Variants in ODAD3 observed in about 807,000 individuals in gnomAD.
The protein encoded by ODAD3 is outer dynein arm-docking complex subunit 3.
A neutral mutation model predicts 70.9 loss-of-function variants in ODAD3; 57 were observed. That is an observed-to-expected ratio of 0.80 (90% CI 0.65 to 1.00). The LOEUF (loss-of-function observed/expected upper bound fraction) is 1.00, where lower values mean the gene tolerates loss of function less well. Among genes scored for constraint, ODAD3 ranks in the 50% least tolerant of loss-of-function variants. The probability of loss-of-function intolerance (pLI) is 0.00; values close to 1 mark genes in which losing one functional copy is unlikely to be tolerated. For synonymous variants in ODAD3, 327 were observed against 315.9 expected (o/e 1.04, Z -0.37); for missense variants, 797 against 763.9 (o/e 1.04, Z -0.51).
At chr19:11,426,053 G>A in intron 7 of ODAD3, 91 bp downstream of exon 7, 3 of 1,481,082 alleles carry the variant, frequency 2.0e-6, no homozygotes, top group South Asian at 1.3e-5. Context: ...CAGAAAATGG[G>A]AGAAGGCCTA....
At position 11,422,301 on chromosome 19, in the gene ODAD3, T is replaced by C. The variant is rs988960783; in HGVS notation, c.1434+170A>G. Among the ~76,000 whole-genome samples, 9 of 150,766 alleles carry C rather than the reference T, an allele frequency of 6.0e-5. No homozygotes were observed. The highest frequency in any genetic ancestry group is 2.2e-4 in the African/African-American group (9 of 41,014). On this transcript the variant is annotated intron_variant, in intron 10 of 12. Transcript: ENST00000356392. The surrounding 1 kb of genome is among the most constrained non-coding windows in gnomAD (Gnocchi z 4.6). ...CCCCAGGGAGGTGGGGCGGGGACTC[T>C]GAGGAATGGGGTGGGGCTTCCCCTG...
intron 7 of ODAD3, among the ~76,000 whole-genome samples, chr19:11,425,030 CAT>C (rs1491103625): frequency 1.4e-5 from 1 of 72,046 alleles, no homozygotes; most frequent in Non-Finnish European, 2.5e-5. Context: ...TACATATGTG[CAT>C]ATATACATAT....
chr19:11,424,091 G>C (rs1026820959), intron 7 of ODAD3, 62 bp from the exon 8 acceptor site: 1 of 1,561,594 alleles, frequency 6.4e-7, no homozygotes, highest in Non-Finnish European at 8.7e-7. Context: ...GAAGGAGGCC[G>C]GGGAGGGGGA....
upstream of ODAD3, chr19:11,435,295 C>A (rs1314558200): frequency 2.1e-6 from 2 of 946,960 alleles, no homozygotes; most frequent in African/African-American, 3.3e-5. Flanking sequence ...GGTAGAGCCG[C>A]GCCGCAGGAC....
chr19:11,435,343 GT>G (rs1969654630), upstream of ODAD3: 1 of 561,366 alleles, frequency 1.8e-6, no homozygotes, highest in Non-Finnish European at 2.9e-6. Flanking sequence ...TGCTCATTCC[GT>G]TTCCCTACCT....
chr19:11,421,256 G>C, intron 11 of ODAD3, 44 bp from the exon 12 acceptor site: 2 of 1,560,624 alleles, frequency 1.3e-6, no homozygotes, highest in South Asian at 2.3e-5. Flanking sequence ...GGCGGGGCCA[G>C]GGGCCACCGA....
At position 11,421,183 on chromosome 19, in the gene ODAD3, G is replaced by A. The variant is rs1969125053; in HGVS notation, c.1620C>T (p.Pro540=). 6.2e-7 allele frequency: 1 copy of A among 1,613,388 alleles called. No homozygotes were observed. The highest frequency in any genetic ancestry group is 1.7e-5 in the Admixed American group (1 of 59,934). The change falls in exon 12 of 13, where the codon CCC becomes CCT. Residue 540 remains proline (P), a synonymous_variant. Transcript: ENST00000356392. ...GCAGGGCGATGCGGGTGTTGTATTC[G>A]GGCAGCCTTCCCTCTAAGCTGGCGA... ...EFLASLEGRL[P]EYNTRIALPL...
chr19:11,425,056 T>TGTATATGTAC (rs1969262803), intron 7 of ODAD3, among the ~76,000 whole-genome samples: 1 of 121,118 alleles, frequency 8.3e-6, no homozygotes, highest in African/African-American at 4.6e-5. Context: ...TATATATGTG[T>TGTATATGTAC]ATATGTGTAT....
intron 7 of ODAD3, among the ~76,000 whole-genome samples, chr19:11,425,404 TATATAC>T (rs1291908463): frequency 0.065 from 8,120 of 124,488 alleles, 1,371 homozygotes; most frequent in African/African-American, 0.27. Flanking sequence ...TGTATATGTA[TATATAC>T]ATATATGTGT....
In ODAD3 at chr19:11,425,328, CATATGTGTATATATGTAT is replaced by C. The variant is rs1232995041; in HGVS notation, c.963+798_963+815del. 2.6e-4 allele frequency among the ~76,000 whole-genome samples: 30 copies of C among 114,486 alleles called. 1 individual carries two copies. The highest frequency in any genetic ancestry group is 8.0e-4 in the African/African-American group (21 of 26,412). 75.1% of individuals were successfully genotyped at this position (114,486 alleles called of 152,430 possible). A position where few individuals can be genotyped will look rare whatever the true frequency, so the allele number is the denominator to read the frequency against. ...GTATGTGTACATATGTGTATATGTACATATGTGTATATATGTATATATGTGTATATGTACATATGTGTA... is the reference window on the plus strand; with the variant it reads ...GTATGTGTACATATGTGTATATGTACATATGTGTATATGTACATATGTGTA... On this transcript the variant is annotated intron_variant, in intron 7 of 12. Coordinates refer to ENST00000356392, the MANE Select transcript of ODAD3 (RefSeq NM_145045.5).
At chr19:11,429,553 G>A (rs187265866) in intron 3 of ODAD3, among the ~76,000 whole-genome samples, 2 of 152,166 alleles carry the variant, frequency 1.3e-5, no homozygotes, top group East Asian at 3.9e-4. Context: ...GGGATTACAG[G>A]TGCCTGCCAC....
intron 7 of ODAD3, among the ~76,000 whole-genome samples, chr19:11,425,411 A>ATATGTG (rs199726896): frequency 9.1e-6 from 1 of 110,230 alleles, no homozygotes; most frequent in African/African-American, 6.6e-5. Flanking sequence ...GTATATATAC[A>ATATGTG]TATATGTGTA....
At position 11,430,892 on chromosome 19, in the gene ODAD3, C is replaced by T. The variant is rs34094; in HGVS notation, c.366+7G>A. 0.023 allele frequency: 36,378 copies of T among 1,613,976 alleles called. 1,862 individuals are homozygous for T. Among genetic ancestry groups the T allele is most frequent in the African/African-American group, 0.18 (13,762 of 74,960 alleles). On this transcript the variant is annotated splice_region_variant and intron_variant, in intron 2 of 12. Transcript: ENST00000356392. ...GGGAACCCTACACCCACCCCTTTGC[C>T]CCTTACCTTGAGCAGGTCCAGCAGC...
In ODAD3 at chr19:11,421,848, AGCC is replaced by A; in HGVS notation, c.1435-19_1435-17del. 1.9e-6 allele frequency: 3 copies of A among 1,606,198 alleles called. No homozygotes were observed. Among genetic ancestry groups the A allele is most frequent in the Non-Finnish European group, 2.6e-6 (3 of 1,176,324 alleles). ...GGCCGTCCTCCTGCGGCCAGGGTAG[AGCC>A]GGGTCAGCCGAGAGGGGTGGGGCCT... On this transcript the variant is annotated splice_polypyrimidine_tract_variant and intron_variant, in intron 10 of 12. Coordinates refer to ENST00000356392, the MANE Select transcript of ODAD3 (RefSeq NM_145045.5).
upstream of ODAD3, chr19:11,435,380 G>T: frequency 9.2e-6 from 4 of 436,342 alleles, no homozygotes; most frequent in South Asian, 8.4e-5. Flanking sequence ...CGCCCCTGGG[G>T]GTTCGCGGGC....
chr19:11,422,693 T>TGCCTC lies in ODAD3; in HGVS notation c.1277+3_1277+7dup. ...CCCGCCGCCCTCCCCAGAGCCCCGG[T>TGCCTC]GCCTCACCTCACCAGCGTGGCCTCC... On this transcript the variant is annotated splice_region_variant and intron_variant, in intron 9 of 12. Transcript: ENST00000356392. This position sits in a 1 kb window ranked among gnomAD's most constrained non-coding sequence, Gnocchi z 4.6. 1 of 1,611,522 alleles carries TGCCTC rather than the reference T, an allele frequency of 6.2e-7. No individual in the cohort carries two copies. The highest frequency in any genetic ancestry group is 8.5e-7 in the Non-Finnish European group (1 of 1,179,554).
chr19:11,421,755 C>G lies in ODAD3; in HGVS notation c.1512G>C (p.Glu504Asp). The change falls in exon 11 of 13, where the codon GAG (glutamate) becomes GAC (aspartate). Residue 504 changes from glutamate to aspartate, a missense_variant. Glu to Asp is a conservative substitution (Grantham distance 45). Transcript: ENST00000356392. ...GCGCCTGCAGTTTCAGCAGCTTTTC[C>G]TCCACGAGGCCCAGCAGGTTTGGCA... ...NYVPNLLGLV[E>D]EKLLKLQAQL... 6.2e-7 allele frequency: 1 copy of G among 1,613,460 alleles called. No homozygotes were observed.
At chr19:11,425,378 T>C (rs587671940) in intron 7 of ODAD3, among the ~76,000 whole-genome samples, 1 of 135,470 alleles carries the variant, frequency 7.4e-6, no homozygotes, top group Non-Finnish European at 1.5e-5. Context: ...TGTATATATG[T>C]GTGTATGTAC....
chr19:11,425,341 A>C (rs920461580), intron 7 of ODAD3, among the ~76,000 whole-genome samples: 1 of 126,810 alleles, frequency 7.9e-6, no homozygotes, highest in African/African-American at 3.5e-5. Flanking sequence ...ATGTGTATAT[A>C]TGTATATATG....
Sources: gnomAD v4.1 joint callset for allele counts (sites outside exome capture counted in the v4.1 genomes callset) on GRCh38, gnomAD v4.1.1 for gene constraint, Gnocchi (gnomAD v3.1) non-coding constraint, MANE v1.5 for transcripts, NCBI Gene and HGNC (gene_info 2026-07-23, HGNC 2026-07-21) for gene names.